The following DPH6 variants were observed in gnomAD, a reference collection of about 807,000 sequenced individuals.
DPH6 encodes diphthine--ammonia ligase.
Under a neutral mutation model 38.2 loss-of-function variants are expected in DPH6, and 33 were observed. That is an observed-to-expected ratio of 0.86 (90% confidence interval 0.65 to 1.15). The LOEUF is 1.15. DPH6 is among the 50% of genes most tolerant of loss of function. DPH6 has a pLI of 0.00. For synonymous variants in DPH6, 108 were observed against 103.0 expected (o/e 1.05, Z -0.30); for missense variants, 325 against 320.0 (o/e 1.02, Z -0.12).
intron 3 of DPH6, among the ~76,000 whole-genome samples, chr15:35,491,769 A>G (rs1324810705): frequency 1.3e-5 from 2 of 150,726 alleles, no homozygotes; most frequent in African/African-American, 2.4e-5. Context: ...ACACATATAA[A>G]TATATGTATA....
chr15:35,496,567 A>AAAAAAAAAAAAAATATATATATAT, intron 3 of DPH6, among the ~76,000 whole-genome samples: 6 of 31,012 alleles, frequency 1.9e-4, no homozygotes, highest in African/African-American at 5.5e-4. Context: ...AAAAAAAAAA[A>AAAAAAAAAAAAAATATATATATAT]ATATATATAT....
intron 3 of DPH6, among the ~76,000 whole-genome samples, chr15:35,302,716 C>T (rs1424589661): frequency 6.6e-6 from 1 of 152,042 alleles, no homozygotes; most frequent in African/African-American, 2.4e-5. Flanking sequence ...CACAATTAAA[C>T]CCTGTGGTCC....
At chr15:35,161,181 A>G in the DPH6 span, among the ~76,000 whole-genome samples, 2 of 152,010 alleles carry the variant, frequency 1.3e-5, no homozygotes, top group Admixed American at 1.3e-4. Flanking sequence ...AACAACAAAA[A>G]CACTATTCTT....
At chr15:35,448,328 A>C (rs950884828) in intron 5 of DPH6, among the ~76,000 whole-genome samples, 13 of 152,256 alleles carry the variant, frequency 8.5e-5, no homozygotes, top group Non-Finnish European at 1.2e-4. Context: ...TTTTGTTCCC[A>C]AAAATTATGG....
chr15:35,286,695 A>G (rs999382256), intron 3 of DPH6, among the ~76,000 whole-genome samples: 11 of 152,230 alleles, frequency 7.2e-5, no homozygotes, highest in African/African-American at 2.7e-4. Context: ...CTTTGTCTGA[A>G]AAGGTAAATT....
the DPH6 span, among the ~76,000 whole-genome samples, chr15:35,153,808 G>T: frequency 3.9e-4 from 59 of 152,234 alleles, 1 homozygote; most frequent in African/African-American, 1.4e-3. Flanking sequence ...CATTCCAAAA[G>T]TCTGCAAATG....
At chr15:35,175,040 C>A in the DPH6 span, among the ~76,000 whole-genome samples, 3 of 152,190 alleles carry the variant, frequency 2.0e-5, no homozygotes, top group African/African-American at 7.2e-5. Flanking sequence ...GCACTGTTGG[C>A]TGTTTCGTTT....
chr15:35,175,580 A>G, the DPH6 span, among the ~76,000 whole-genome samples: 1 of 152,176 alleles, frequency 6.6e-6, no homozygotes, highest in Non-Finnish European at 1.5e-5. Flanking sequence ...AATCTCAGAG[A>G]GTACTGTTTG....
intron 3 of DPH6, among the ~76,000 whole-genome samples, chr15:35,221,764 T>C (rs1474445603): frequency 6.6e-6 from 1 of 152,246 alleles, no homozygotes; most frequent in African/African-American, 2.4e-5. Flanking sequence ...TTTAATTCTT[T>C]ATATGGCCAG....
intron 5 of DPH6, among the ~76,000 whole-genome samples, chr15:35,445,261 T>C (rs907705739): frequency 6.6e-6 from 1 of 152,180 alleles, no homozygotes; most frequent in African/African-American, 2.4e-5. Context: ...AGTAGAAATC[T>C]GCTCTCCATT....
intron 6 of DPH6, among the ~76,000 whole-genome samples, chr15:35,400,259 CAG>C (rs758051818): frequency 2.9e-4 from 44 of 152,216 alleles, no homozygotes; most frequent in Non-Finnish European, 4.6e-4. Context: ...GGTTTATTAC[CAG>C]AGTTTATTAC....
rs373055617 is a variant in DPH6, at chr15:35,317,356, GAGAA to G, written n.200+56161_200+56164del. Among the ~76,000 whole-genome samples the G allele has an allele frequency of 4.1e-3, 577 of 140,912 alleles. 4 individuals are homozygous for G. Among genetic ancestry groups the G allele is most frequent in the African/African-American group, 0.013 (476 of 38,058 alleles). 92.4% of individuals were successfully genotyped at this position (140,912 alleles called of 152,430 possible). The stretch of plus-strand genomic sequence containing the variant: ...AGAAAGAAGGAAAGAAAAAGAAAGA[GAGAA>G]AGAAAGAAAGAAAAGGAAAGAAAAA... On this transcript the variant is annotated intron_variant and non_coding_transcript_variant, in intron 3 of 3. Coordinates refer to the DPH6 transcript ENST00000560386.
chr15:35,406,049 C>T (rs75535323), intron 6 of DPH6, among the ~76,000 whole-genome samples: 3,338 of 152,032 alleles, frequency 0.022, 113 homozygotes, highest in African/African-American at 0.077. Context: ...ATTTAATACA[C>T]ACTATTTAAA....
intron 3 of DPH6, among the ~76,000 whole-genome samples, chr15:35,238,939 C>T (rs2051577147): frequency 6.7e-6 from 1 of 148,522 alleles, no homozygotes; most frequent in African/African-American, 2.5e-5. Flanking sequence ...AAAACGGCCC[C>T]ACCCTTATCT....
At chr15:35,302,745 C>A (rs1487096944) in intron 3 of DPH6, among the ~76,000 whole-genome samples, 2 of 151,824 alleles carry the variant, frequency 1.3e-5, no homozygotes. Context: ...ATTGGGGCTG[C>A]AGTGATTTTT....
At chr15:35,195,272 G>A in the DPH6 span, among the ~76,000 whole-genome samples, 2 of 152,212 alleles carry the variant, frequency 1.3e-5, no homozygotes, top group Admixed American at 6.5e-5. Flanking sequence ...CCAAATAATA[G>A]TCCATTGTGT....
At chr15:35,292,901 T>A (rs1435988522) in intron 3 of DPH6, among the ~76,000 whole-genome samples, 1 of 152,174 alleles carries the variant, frequency 6.6e-6, no homozygotes, top group African/African-American at 2.4e-5. Context: ...AGGTATTATT[T>A]TGCCTCCTAA....
intron 3 of DPH6, among the ~76,000 whole-genome samples, chr15:35,528,031 C>T (rs6495779): frequency 0.89 from 135,794 of 152,238 alleles, 60,686 homozygotes; most frequent in East Asian, 0.99. Flanking sequence ...CAAAAGGCTA[C>T]AGAATCTATT....
intron 5 of DPH6, among the ~76,000 whole-genome samples, chr15:35,446,161 A>ACATAAATT (rs1458515184): frequency 6.6e-6 from 1 of 151,966 alleles, no homozygotes; most frequent in Non-Finnish European, 1.5e-5. Flanking sequence ...TAAACAGATG[A>ACATAAATT]CATAAATTTA....
Sources: gnomAD v4.1 joint callset for allele counts (sites outside exome capture counted in the v4.1 genomes callset) on GRCh38, gnomAD v4.1.1 for gene constraint, MANE v1.5 for transcripts, NCBI Gene and HGNC (gene_info 2026-07-23, HGNC 2026-07-21) for gene names.